Variants in ELF1 observed in about 807,000 individuals in gnomAD.
The protein encoded by ELF1 is E74 like ETS transcription factor 1.
ELF1 carries 24 observed loss-of-function variants against 59.9 expected under a neutral mutation model. The observed-to-expected ratio is 0.40, with a 90% confidence interval of 0.29 to 0.56. The LOEUF is 0.56. ELF1 is among the 20% of genes least tolerant of loss of function. The pLI is 0.44. For missense variants in ELF1, 627 were observed against 742.2 expected (o/e 0.84, Z 1.80); for synonymous variants, 248 against 266.2 (o/e 0.93, Z 0.67).
chr13:40,988,934 A>G (rs536358976), intron 1 of ELF1, among the ~76,000 whole-genome samples: 1 of 152,110 alleles, frequency 6.6e-6, no homozygotes. Context: ...AGTAGCTGGG[A>G]CTACAGGTGT....
chr13:40,941,191 G>A lies in ELF1; in HGVS notation c.986C>T (p.Ser329Leu), dbSNP rs750744628. Residue 329 changes from serine (S) to leucine (L), a missense_variant, in exon 8 of 9, where the codon TCG becomes TTG. Ser to Leu is a moderately radical substitution (Grantham distance 145, BLOSUM62 -2). Coordinates refer to ENST00000239882, the MANE Select transcript of ELF1 (RefSeq NM_172373.4). ...ATSNRNQTSR[S>L]RVSSSPGVKG... ...TACCCCTGGACTTGAAGATACTCTC[G>A]ACCGGCTGGTTTGATTCCTATTTGA... 5.6e-6 allele frequency: 9 copies of A among 1,614,002 alleles called. No homozygotes were observed. Among genetic ancestry groups the A allele is most frequent in the Non-Finnish European group, 5.9e-6 (7 of 1,180,018 alleles).
rs1045995873 is a variant in ELF1 at position 40,954,350 on chromosome 13, G to T, written c.254-2914C>A. 6.6e-5 allele frequency among the ~76,000 whole-genome samples: 10 copies of T among 152,194 alleles called. No homozygotes were observed. The East Asian group carries it at 1.9e-3, about 29-fold the overall frequency. The stretch of plus-strand genomic sequence containing the variant: ...TGGGAGGTGACCGGATCGTGGAGAT[G>T]GATTTTCCCCTTACTGTTCTTGTGA... On this transcript the variant is annotated intron_variant, in intron 3 of 8. Transcript: ENST00000239882.
chr13:41,059,118 CTTATTTAAATGAAAATTCCACT>C (rs1877396684), intron 1 of ELF1, among the ~76,000 whole-genome samples: 1 of 152,218 alleles, frequency 6.6e-6, no homozygotes, highest in Non-Finnish European at 1.5e-5. Flanking sequence ...CACACTATTA[CTTATTTAAATGAAAATTCCACT>C]TTCATTATCT....
chr13:41,049,395 A>C (rs541627553), intron 1 of ELF1, among the ~76,000 whole-genome samples: 78 of 152,294 alleles, frequency 5.1e-4, no homozygotes, highest in African/African-American at 1.8e-3. Flanking sequence ...AGTGTACAAA[A>C]AAGTACATCA....
chr13:41,040,264 C>T lies in ELF1; in HGVS notation c.-229+20574G>A, dbSNP rs555289741. 7.2e-5 allele frequency among the ~76,000 whole-genome samples: 11 copies of T among 152,178 alleles called. 1 individual carries two copies. The highest frequency in any genetic ancestry group is 2.2e-4 in the African/African-American group (9 of 41,506). Reference sequence around the variant, plus strand: ...ACAAACTATTATGTAAATCGGGAAACGTCACAGAAACTATATCCCATTATA... The same window carrying T: ...ACAAACTATTATGTAAATCGGGAAATGTCACAGAAACTATATCCCATTATA... On this transcript the variant is annotated intron_variant, in intron 1 of 1. Coordinates refer to the ELF1 transcript ENST00000405737.
intron 1 of ELF1, among the ~76,000 whole-genome samples, chr13:40,996,780 C>CT (rs200371459): frequency 5.4e-4 from 79 of 146,014 alleles, no homozygotes; most frequent in Admixed American, 8.9e-4. Context: ...AAAATAAAGT[C>CT]TTTTTTTTTT....
At chr13:40,963,675 G>A (rs1236868705) in intron 2 of ELF1, among the ~76,000 whole-genome samples, 2 of 152,196 alleles carry the variant, frequency 1.3e-5, no homozygotes, top group African/African-American at 4.8e-5. Context: ...TTGGGAGGCC[G>A]AGGCGGGCGG....
At chr13:41,005,478 C>CA (rs796230971) in intron 1 of ELF1, among the ~76,000 whole-genome samples, 203 of 131,846 alleles carry the variant, frequency 1.5e-3, no homozygotes, top group African/African-American at 3.7e-3. Context: ...AAACCTACCA[C>CA]AAAAAAAAAA....
At chr13:40,963,692 A>T (rs1871992469) in intron 2 of ELF1, among the ~76,000 whole-genome samples, 2 of 152,206 alleles carry the variant, frequency 1.3e-5, no homozygotes, top group Non-Finnish European at 2.9e-5. Context: ...GCGGATCACG[A>T]GGTCAAGAGA....
chr13:40,959,876 T>C (rs955366596), intron 2 of ELF1, among the ~76,000 whole-genome samples: 2 of 151,730 alleles, frequency 1.3e-5, no homozygotes, highest in Admixed American at 6.6e-5. Flanking sequence ...CCAGAGAGGG[T>C]TTTTAACAAC....
intron 4 of ELF1, among the ~76,000 whole-genome samples, chr13:40,950,285 A>G (rs1870771541): frequency 6.6e-6 from 1 of 152,190 alleles, no homozygotes; most frequent in Non-Finnish European, 1.5e-5. Flanking sequence ...AAATTAGGGG[A>G]ATAAAAAACA....
intron 1 of ELF1, among the ~76,000 whole-genome samples, chr13:41,001,046 G>A (rs571692669): frequency 1.4e-4 from 18 of 126,202 alleles, no homozygotes; most frequent in African/African-American, 4.8e-4. Flanking sequence ...GTGTAGTCTC[G>A]GCTCACTGCA....
intron 1 of ELF1, among the ~76,000 whole-genome samples, chr13:41,000,349 G>T (rs546614040): frequency 6.8e-6 from 1 of 146,280 alleles, no homozygotes; most frequent in East Asian, 2.1e-4. Context: ...TCAGCCTCTG[G>T]AGTAGCTGGA....
chr13:40,970,747 T>C (rs1872486764), intron 2 of ELF1, among the ~76,000 whole-genome samples: 1 of 152,112 alleles, frequency 6.6e-6, no homozygotes, highest in African/African-American at 2.4e-5. Flanking sequence ...CTGCTATAAA[T>C]GTCACATAGA....
At chr13:41,004,938 A>G (rs1235420203) in intron 1 of ELF1, among the ~76,000 whole-genome samples, 1 of 152,136 alleles carries the variant, frequency 6.6e-6, no homozygotes, top group Non-Finnish European at 1.5e-5. Flanking sequence ...GTTTAATAAA[A>G]CTAGCTTTAT....
intron 1 of ELF1, among the ~76,000 whole-genome samples, chr13:41,008,724 A>T (rs987984473): frequency 6.6e-6 from 1 of 152,210 alleles, no homozygotes; most frequent in African/African-American, 2.4e-5. Flanking sequence ...TGTAGTATCA[A>T]AGAATATCCA....
intron 3 of ELF1, among the ~76,000 whole-genome samples, chr13:40,955,369 A>G (rs1366329763): frequency 1.5e-5 from 2 of 131,404 alleles, no homozygotes; most frequent in Non-Finnish European, 1.6e-5. Flanking sequence ...TCCGGGAGGG[A>G]GATGGGGGGG....
chr13:40,943,878 T>C lies in ELF1; in HGVS notation c.577A>G (p.Asn193Asp). The part of the protein sequence containing the change: ...PRPDSPATTP[N>D]ISVKKKNKDG... ...TTGTTTTTCTTCTTCACAGATATAT[T>C]TGGCGTAGTGGCTGGGGAATCTGGT... The change falls in exon 6 of 9, where the codon AAT (asparagine) becomes GAT (aspartate). Residue 193 changes from asparagine to aspartate, a missense_variant. Asn to Asp is a conservative substitution (Grantham distance 23). Around this residue, in one of 3 missense-constraint regions of ELF1, gnomAD observed 232 missense variants for 269.2 expected, o/e 0.86. Coordinates refer to ENST00000239882, the MANE Select transcript of ELF1 (RefSeq NM_172373.4). 1 of 1,613,898 alleles carries C rather than the reference T, an allele frequency of 6.2e-7. No homozygotes were observed. Among genetic ancestry groups the C allele is most frequent in the East Asian group, 2.2e-5 (1 of 44,860 alleles).
At chr13:41,060,301 C>G (rs1172371447) in intron 1 of ELF1, among the ~76,000 whole-genome samples, 1 of 152,214 alleles carries the variant, frequency 6.6e-6, no homozygotes, top group Non-Finnish European at 1.5e-5. Context: ...TCTGGGGCGC[C>G]CAGGGCAGGG....
Sources: allele counts gnomAD v4.1 joint callset (sites outside exome capture counted in the v4.1 genomes callset), GRCh38; gene constraint gnomAD v4.1.1; regional missense constraint gnomAD v4.1.1; transcripts MANE v1.5; gene names NCBI Gene and HGNC (gene_info 2026-07-23, HGNC 2026-07-21).